The following SHISA6 variants were observed in gnomAD, a reference collection of about 807,000 sequenced individuals.
SHISA6 encodes the protein shisa family member 6.
A neutral mutation model predicts 47.9 loss-of-function variants in SHISA6; 22 were observed. The observed-to-expected ratio is 0.46, with a 90% confidence interval of 0.33 to 0.66. The LOEUF is 0.66. SHISA6 is among the 30% of genes least tolerant of loss of function. The pLI is 0.02. For synonymous variants in SHISA6, 388 were observed against 337.8 expected (o/e 1.15, Z -1.63); for missense variants, 680 against 764.6 (o/e 0.89, Z 1.30).
chr17:11,423,924 G>A (rs1004306641), intron 3 of SHISA6, among the ~76,000 whole-genome samples: 4 of 152,086 alleles, frequency 2.6e-5, no homozygotes, highest in African/African-American at 7.2e-5. Flanking sequence ...AAAGCCCAAA[G>A]GATAGATTAA....
chr17:11,326,515 A>G lies in SHISA6; in HGVS notation c.800-52899A>G, dbSNP rs562632548. ...GAATTCTATGGTCTATCAGAAACAG[A>G]GCAGTCTTGGGGTTGGGGCCAAGCT... On this transcript the variant is annotated intron_variant, in intron 2 of 5. Transcript: ENST00000441885. 2.0e-5 allele frequency among the ~76,000 whole-genome samples: 3 copies of G among 152,326 alleles called. No individual in the cohort carries two copies. The South Asian group carries it at 6.2e-4, about 32-fold the overall frequency.
intron 1 of SHISA6, among the ~76,000 whole-genome samples, chr17:11,255,311 G>A (rs1567551342): frequency 1.3e-5 from 2 of 152,012 alleles, no homozygotes; most frequent in East Asian, 1.9e-4. Context: ...TTGTTTTAAA[G>A]AAGGAAGAGA....
At chr17:11,505,325 T>C (rs1016956899) in intron 3 of SHISA6, among the ~76,000 whole-genome samples, 1 of 152,218 alleles carries the variant, frequency 6.6e-6, no homozygotes, top group Non-Finnish European at 1.5e-5. Flanking sequence ...TCTTGGACTT[T>C]CTTGGGTTCA....
At chr17:11,383,331 G>A (rs994959004) in intron 3 of SHISA6, among the ~76,000 whole-genome samples, 4 of 152,138 alleles carry the variant, frequency 2.6e-5, no homozygotes, top group Non-Finnish European at 4.4e-5. Flanking sequence ...GGGCCTGGGG[G>A]TAAGAATGCA....
intron 3 of SHISA6, among the ~76,000 whole-genome samples, chr17:11,434,064 CT>C (rs1367652038): frequency 0.011 from 1,490 of 137,988 alleles, 21 homozygotes; most frequent in African/African-American, 0.029. Flanking sequence ...TTTTTTCTCT[CT>C]TTTTTTTTTT....
chr17:11,402,401 A>C (rs1430877079), intron 3 of SHISA6, among the ~76,000 whole-genome samples: 1 of 152,234 alleles, frequency 6.6e-6, no homozygotes, highest in East Asian at 1.9e-4. Flanking sequence ...ATGTTAATCA[A>C]CATACACAGT....
chr17:11,501,531 GA>G (rs1459182465), intron 3 of SHISA6, among the ~76,000 whole-genome samples: 1 of 152,176 alleles, frequency 6.6e-6, no homozygotes, highest in South Asian at 2.1e-4. Context: ...AGTACTAGAA[GA>G]AAAGACCAAG....
chr17:11,452,367 A>T (rs1915423313), intron 3 of SHISA6, among the ~76,000 whole-genome samples: 1 of 152,210 alleles, frequency 6.6e-6, no homozygotes, highest in African/African-American at 2.4e-5. Flanking sequence ...AACACCATAC[A>T]TGTAAGCCCA....
rs907138702 is a variant in SHISA6, at chr17:11,557,827, C to G, written c.1179C>G (p.Pro393=). The G allele has an allele frequency of 9.7e-6, 15 of 1,551,318 alleles. No homozygotes were observed. The African/African-American group carries it at 1.8e-4, about 18-fold the overall frequency. Residue 393 remains proline, a synonymous_variant, in exon 6 of 6, where the codon CCC becomes CCG. Transcript: ENST00000441885. The part of the protein sequence containing the change: ...LPDLAARGTL[P]LNVIQMSQQK... ...ACCTGGCTGCCCGCGGCACCCTCCC[C>G]CTCAATGTCATCCAGATGTCCCAAC...
chr17:11,360,733 C>T (rs1279142715), intron 2 of SHISA6, among the ~76,000 whole-genome samples: 3 of 150,836 alleles, frequency 2.0e-5, no homozygotes, highest in Non-Finnish European at 4.4e-5. Flanking sequence ...ATCACCATGG[C>T]ACATGTATAC....
chr17:11,515,251 AAAAAAAAG>A (rs374008497), intron 3 of SHISA6, among the ~76,000 whole-genome samples: 8 of 150,968 alleles, frequency 5.3e-5, no homozygotes, highest in African/African-American at 1.9e-4. Flanking sequence ...TCAAAAAAAA[AAAAAAAAG>A]AAAAAAGAAA....
intron 2 of SHISA6, among the ~76,000 whole-genome samples, chr17:11,271,827 C>T (rs1670258921): frequency 6.6e-6 from 1 of 151,978 alleles, no homozygotes; most frequent in African/African-American, 2.4e-5. Flanking sequence ...CCTGGGACCC[C>T]ATCTGTTCCT....
intron 2 of SHISA6, among the ~76,000 whole-genome samples, chr17:11,282,466 G>A (rs937736485): frequency 6.6e-6 from 1 of 151,640 alleles, no homozygotes; most frequent in Non-Finnish European, 1.5e-5. Context: ...TGATATATAG[G>A]TATACATGTG....
chr17:11,322,356 A>G (rs1295405410), intron 2 of SHISA6, among the ~76,000 whole-genome samples: 5 of 152,156 alleles, frequency 3.3e-5, no homozygotes, highest in Admixed American at 1.3e-4. Context: ...CCTTGGCTCT[A>G]TTTCCATTTA....
intron 2 of SHISA6, among the ~76,000 whole-genome samples, chr17:11,275,479 G>C (rs542626158): frequency 6.6e-6 from 1 of 152,316 alleles, no homozygotes; most frequent in South Asian, 2.1e-4. Flanking sequence ...TGGATGTCAA[G>C]CGTCAGCAAT....
chr17:11,433,282 T>C (rs574132845), intron 3 of SHISA6, among the ~76,000 whole-genome samples: 36 of 152,230 alleles, frequency 2.4e-4, no homozygotes, highest in Non-Finnish European at 3.4e-4. Flanking sequence ...CCTCCCTGTG[T>C]CCATGTGTTC....
intron 2 of SHISA6, among the ~76,000 whole-genome samples, chr17:11,373,025 A>G (rs1391275801): frequency 2.6e-5 from 4 of 151,692 alleles, no homozygotes; most frequent in African/African-American, 9.7e-5. Context: ...TATTTCTGTC[A>G]ATAAAGATAA....
intron 3 of SHISA6, among the ~76,000 whole-genome samples, chr17:11,450,995 T>TA (rs757372845): frequency 0.13 from 15,520 of 123,002 alleles, 1,236 homozygotes; most frequent in African/African-American, 0.25. Flanking sequence ...AATAGAAAAT[T>TA]AAAAAAAAAA....
intron 3 of SHISA6, among the ~76,000 whole-genome samples, chr17:11,462,449 A>G (rs1414133529): frequency 6.6e-6 from 1 of 152,064 alleles, no homozygotes; most frequent in East Asian, 1.9e-4. Context: ...CACACCAAAT[A>G]CAGAGTGCCA....
Sources: allele counts gnomAD v4.1 joint callset (sites outside exome capture counted in the v4.1 genomes callset), GRCh38; gene constraint gnomAD v4.1.1; transcripts MANE v1.5; gene names NCBI Gene and HGNC (gene_info 2026-07-23, HGNC 2026-07-21).